Variants in INTS2 observed in about 807,000 individuals in gnomAD.
INTS2 encodes KIAA1287.
Under a neutral mutation model 139.6 loss-of-function variants are expected in INTS2, and 57 were observed. That is an observed-to-expected ratio of 0.41 (90% CI 0.33 to 0.51). The LOEUF is 0.51. Among genes scored for constraint, INTS2 ranks in the 20% least tolerant of loss-of-function variants. The pLI, the probability that INTS2 is intolerant of heterozygous loss-of-function variation, is 0.28. For synonymous variants in INTS2, 473 were observed against 493.4 expected (o/e 0.96, Z 0.55); for missense variants, 1,196 against 1,436.7 (o/e 0.83, Z 2.71).
Position 61,869,385 on chromosome 17 carries a change from C to T in INTS2, c.3031-5G>A, listed in dbSNP as rs1230095572. 6.4e-7 allele frequency: 1 copy of T among 1,567,780 alleles called. No homozygotes were observed. Among genetic ancestry groups the T allele is most frequent in the East Asian group, 2.3e-5 (1 of 43,968 alleles). On this transcript the variant is annotated splice_region_variant and splice_polypyrimidine_tract_variant and intron_variant, in intron 21 of 24. Transcript: ENST00000251334. This position sits in a 1 kb window ranked among gnomAD's most constrained non-coding sequence, Gnocchi z 5.4. The stretch of plus-strand genomic sequence containing the variant: ...CAAAAGTTCACATGGATAACCCTAT[C>T]TCAACAAGAAACGGGAAAAAAGTCA...
intron 7 of INTS2, chr17:61,910,698 A>C (rs901208178): frequency 6.6e-6 from 1 of 152,162 alleles, no homozygotes; most frequent in Non-Finnish European, 1.5e-5. Flanking sequence ...ATTAAATGGC[A>C]AAATTTTATG....
chr17:61,919,759 TG>T (rs1019938207), intron 4 of INTS2, among the ~76,000 whole-genome samples: 3 of 152,048 alleles, frequency 2.0e-5, no homozygotes, highest in African/African-American at 7.2e-5. Flanking sequence ...GACAGGGTCT[TG>T]CTTTGTTGCC....
At chr17:61,892,570 T>C (rs540654945) in intron 13 of INTS2, among the ~76,000 whole-genome samples, 11 of 152,210 alleles carry the variant, frequency 7.2e-5, no homozygotes, top group Non-Finnish European at 1.3e-4. Context: ...AGTAGGAGAA[T>C]TGCTTGAGAC....
Position 61,869,340 on chromosome 17 carries a change from AT to A in INTS2, c.3070del (p.Ile1024PhefsTer8). 6.2e-7 allele frequency: 1 copy of A among 1,607,882 alleles called. No individual in the cohort carries two copies. The highest frequency in any genetic ancestry group is 1.7e-5 in the Admixed American group (1 of 59,302). ...CELLPLTVAG[I>X]PSMHICLDFI... ...ATCTAGACAGATGTGCATAGATGGA[AT>A]ACCTGCGACCGTCAGAGGCAAAAGT... is the stretch of plus-strand genomic sequence containing the variant. On this transcript the variant is annotated frameshift_variant, in exon 22 of 25. Coordinates refer to ENST00000251334, the MANE Select transcript of INTS2 (RefSeq NM_001351695.2). LOFTEE classifies it high-confidence loss of function. This position sits in a 1 kb window ranked among gnomAD's most constrained non-coding sequence, Gnocchi z 5.4.
At chr17:61,881,288 T>A in intron 16 of INTS2, 117 bp from the exon 17 acceptor site, 1 of 786,574 alleles carries the variant, frequency 1.3e-6, no homozygotes, top group Non-Finnish European at 2.0e-6. Flanking sequence ...ATGCTCTAAG[T>A]CAGTGTTTCT....
At chr17:61,907,036 C>A (rs1469424307) in intron 8 of INTS2, among the ~76,000 whole-genome samples, 4 of 150,190 alleles carry the variant, frequency 2.7e-5, no homozygotes, top group African/African-American at 9.8e-5. Flanking sequence ...ATGATATCAG[C>A]TGTAAAAGGA....
Position 61,869,772 on chromosome 17 carries a change from C to A in INTS2, c.2995G>T (p.Ala999Ser). 6.2e-7 allele frequency: 1 copy of A among 1,613,852 alleles called. No homozygotes were observed. The highest frequency in any genetic ancestry group is 8.5e-7 in the Non-Finnish European group (1 of 1,179,790). ...ACAAGCTTAGCAATGTTGGGATCTG[C>A]AATGTACATTTGGTGCAAGAGACAA... ...ICCLLHQMYI[A>S]DPNIAKLVHF... Residue 999 changes from alanine to serine, a missense_variant, in exon 21 of 25, where the codon GCA becomes TCA. Physicochemically the swap from Ala to Ser is moderately conservative, Grantham distance 99. This residue lies in a region of INTS2 where 1,129 missense variants were observed against 1,341.9 expected (regional missense o/e 0.84). Transcript: ENST00000251334. The surrounding 1 kb of genome is among the most constrained non-coding windows in gnomAD (Gnocchi z 5.4).
In INTS2 at chr17:61,868,084, G is replaced by T; in HGVS notation, c.3245-75C>A. ...CACAGCTTACACAACATACTAAGGG[G>T]AACTATGCTCTGTGCTGGAGATATG... On this transcript the variant is annotated intron_variant, in intron 23 of 24. Transcript: ENST00000251334. This position sits in a 1 kb window ranked among gnomAD's most constrained non-coding sequence, Gnocchi z 4.7. The T allele has an allele frequency of 8.2e-7, 1 of 1,216,618 alleles. No homozygotes were observed. Among genetic ancestry groups the T allele is most frequent in the Non-Finnish European group, 1.1e-6 (1 of 889,676 alleles). 75.4% of individuals were successfully genotyped at this position (1,216,618 alleles called of 1,614,324 possible). A position where few individuals can be genotyped will look rare whatever the true frequency, so the allele number is the denominator to read the frequency against.
At position 61,893,938 on chromosome 17, in the gene INTS2, A is replaced by T; in HGVS notation, c.1564-39T>A. On this transcript the variant is annotated intron_variant, in intron 12 of 24. Coordinates refer to ENST00000251334, the MANE Select transcript of INTS2 (RefSeq NM_001351695.2). This position sits in a 1 kb window ranked among gnomAD's most constrained non-coding sequence, Gnocchi z 5.4. ...ATAGCATTAGTAATATAATAGAACTAAATATAAAATTATTTTGAAAGAGAG... is the reference window on the plus strand; with the variant it reads ...ATAGCATTAGTAATATAATAGAACTTAATATAAAATTATTTTGAAAGAGAG... The T allele has an allele frequency of 7.2e-7, 1 of 1,393,208 alleles. No individual in the cohort carries two copies. Among genetic ancestry groups the T allele is most frequent in the South Asian group, 1.5e-5 (1 of 65,820 alleles). 86.3% of individuals were successfully genotyped at this position (1,393,208 alleles called of 1,614,324 possible).
In INTS2 at chr17:61,909,823, ATGTGTGTGTGTGTGTG is replaced by A. The variant is rs78460850; in HGVS notation, c.954+1681_954+1696del. Among the ~76,000 whole-genome samples, 4 of 138,778 alleles carry A rather than the reference ATGTGTGTGTGTGTGTG, an allele frequency of 2.9e-5. No homozygotes were observed. Among genetic ancestry groups the A allele is most frequent in the Non-Finnish European group, 6.5e-5 (4 of 61,882 alleles). 91.0% of individuals were successfully genotyped at this position (138,778 alleles called of 152,430 possible). A position where few individuals can be genotyped will look rare whatever the true frequency, so the allele number is the denominator to read the frequency against. On this transcript the variant is annotated intron_variant, in intron 7 of 24. Transcript: ENST00000251334. This position sits in a 1 kb window ranked among gnomAD's most constrained non-coding sequence, Gnocchi z 4.9. ...TATACGTGTGTGTGTACATGTGTGTATGTGTGTGTGTGTGTGTGTGTGTGTGTGTGTGTGTGTGCAT... is the reference window on the plus strand; with the variant it reads ...TATACGTGTGTGTGTACATGTGTGTATGTGTGTGTGTGTGTGTGTGTGCAT...
chr17:61,905,667 A>C (rs2079454919), intron 8 of INTS2, among the ~76,000 whole-genome samples: 1 of 151,940 alleles, frequency 6.6e-6, no homozygotes, highest in East Asian at 1.9e-4. Flanking sequence ...TATCAAGAGT[A>C]GTTTAAACAG....
chr17:61,914,463 G>A (rs1337585320), intron 5 of INTS2, among the ~76,000 whole-genome samples: 1 of 152,134 alleles, frequency 6.6e-6, no homozygotes, highest in Non-Finnish European at 1.5e-5. Context: ...ACTTTGGGAG[G>A]CCACAGAGGG....
chr17:61,912,164 CACA>C (rs1405040918), intron 5 of INTS2, 94 bp from the exon 6 acceptor site: 2 of 1,344,942 alleles, frequency 1.5e-6, no homozygotes, highest in Non-Finnish European at 1.0e-6. Context: ...TATTTGAAAG[CACA>C]ACAACAGAAA....
Position 61,925,008 on chromosome 17 carries a change from G to C in INTS2, c.385C>G (p.Arg129Gly). 1 of 1,613,522 alleles carries C rather than the reference G, an allele frequency of 6.2e-7. No individual in the cohort carries two copies. The highest frequency in any genetic ancestry group is 8.5e-7 in the Non-Finnish European group (1 of 1,179,698). ...TCACTAAGCACAAGACGCAATCGAC[G>C]AGGTGAATCACTGTGTTCAAACTCT... is the stretch of plus-strand genomic sequence containing the variant. ...TLEFEHSDSP[R>G]RLRLVLSELL... is the part of the protein sequence containing the mutation. Residue 129 changes from arginine (R) to glycine (G), a missense_variant, in exon 3 of 25, where the codon CGT (arginine) becomes GGT (glycine). By Grantham distance (125) the Arg-to-Gly change is moderately radical. Around this residue, in one of 3 missense-constraint regions of INTS2, gnomAD observed 1,129 missense variants for 1,341.9 expected, o/e 0.84. Transcript: ENST00000251334.
At chr17:61,915,918 T>G (rs181041188) in intron 5 of INTS2, among the ~76,000 whole-genome samples, 1 of 151,804 alleles carries the variant, frequency 6.6e-6, no homozygotes, top group African/African-American at 2.4e-5. Flanking sequence ...AATGGCCATA[T>G]TGCCCAAAGC....
At chr17:61,915,816 T>TAAAA (rs1193639396) in intron 5 of INTS2, among the ~76,000 whole-genome samples, 7 of 64,164 alleles carry the variant, frequency 1.1e-4, no homozygotes, top group Admixed American at 4.4e-4. Context: ...AGACTCTGTC[T>TAAAA]AAAAAAAAAA....
At position 61,915,287 on chromosome 17, in the gene INTS2, G is replaced by A. The variant is rs1353394164; in HGVS notation, c.650-3217C>T. Among the ~76,000 whole-genome samples the A allele has an allele frequency of 2.6e-5, 4 of 151,102 alleles. No homozygotes were observed. In the East Asian group the frequency reaches 7.9e-4, roughly 30 times the overall value. ...GGGGAGGCAGAGGTTGCAGTGAGCC[G>A]AGATCACTCCACTGCACTCCAGCCT... On this transcript the variant is annotated intron_variant, in intron 5 of 24. Coordinates refer to ENST00000251334, the MANE Select transcript of INTS2 (RefSeq NM_001351695.2).
intron 4 of INTS2, among the ~76,000 whole-genome samples, chr17:61,920,558 C>T (rs995080136): frequency 7.1e-6 from 1 of 140,960 alleles, no homozygotes; most frequent in African/African-American, 2.6e-5. Context: ...ATAATCCCAG[C>T]ATTTTGGGAA....
chr17:61,901,840 C>T (rs1175213760), intron 9 of INTS2, among the ~76,000 whole-genome samples: 3 of 151,910 alleles, frequency 2.0e-5, no homozygotes, highest in African/African-American at 7.3e-5. Flanking sequence ...TCAGGTGATC[C>T]ACCTGCCTCA....
Sources: gnomAD v4.1 joint callset for allele counts (sites outside exome capture counted in the v4.1 genomes callset) on GRCh38, gnomAD v4.1.1 for gene constraint, gnomAD v4.1.1 regional missense constraint, Gnocchi (gnomAD v3.1) non-coding constraint, MANE v1.5 for transcripts, NCBI Gene and HGNC (gene_info 2026-07-23, HGNC 2026-07-21) for gene names.